The following RANBP2 variants were observed in gnomAD, a reference collection of about 807,000 sequenced individuals.
RANBP2 encodes the protein RAN binding protein 2.
RANBP2 carries 57 observed loss-of-function variants against 303.6 expected under a neutral mutation model. The observed-to-expected ratio is 0.19, with a 90% CI of 0.15 to 0.23. The LOEUF (loss-of-function observed/expected upper bound fraction) is 0.23. Ranked by LOEUF, RANBP2 falls within the 10% of genes least tolerant of loss-of-function variation. The probability of loss-of-function intolerance (pLI) is 1.00; values close to 1 mark genes in which losing one functional copy is unlikely to be tolerated. For synonymous variants in RANBP2, 1,167 were observed against 1,301.5 expected (o/e 0.90, Z 2.23); for missense variants, 3,138 against 3,780.8 (o/e 0.83, Z 4.46).
At chr2:109,324,425 C>T in the RANBP2 span, among the ~76,000 whole-genome samples, 1 of 152,318 alleles carries the variant, frequency 6.6e-6, no homozygotes, top group East Asian at 1.9e-4. Context: ...TATGACATTC[C>T]AGTTTCTCCA....
At chr2:109,625,229 A>G in the RANBP2 span, among the ~76,000 whole-genome samples, 2 of 152,120 alleles carry the variant, frequency 1.3e-5, no homozygotes, top group Non-Finnish European at 2.9e-5. Context: ...GATCTCAAAC[A>G]TATGTGCATA....
the RANBP2 span, among the ~76,000 whole-genome samples, chr2:109,098,821 T>C: frequency 6.6e-6 from 1 of 152,222 alleles, no homozygotes; most frequent in Admixed American, 6.5e-5. Context: ...CTGTCTGTCC[T>C]GGGAAGTGAC....
the RANBP2 span, chr2:108,897,198 G>T: frequency 6.2e-7 from 1 of 1,613,492 alleles, no homozygotes; most frequent in Non-Finnish European, 8.5e-7. Context: ...TCTTCTCGAG[G>T]CAATCAAATG....
the RANBP2 span, among the ~76,000 whole-genome samples, chr2:109,413,577 G>A: frequency 2.6e-5 from 4 of 152,126 alleles, no homozygotes; most frequent in African/African-American, 9.7e-5. Context: ...GCTCTAGAAT[G>A]GAGAACAGCT....
chr2:109,485,929 TG>T, the RANBP2 span, among the ~76,000 whole-genome samples: 1 of 152,370 alleles, frequency 6.6e-6, no homozygotes, highest in Admixed American at 6.5e-5. Flanking sequence ...TACCAGCACC[TG>T]GCTTCTCACC....
At chr2:108,852,170 A>G in the RANBP2 span, among the ~76,000 whole-genome samples, 3 of 152,232 alleles carry the variant, frequency 2.0e-5, no homozygotes, top group Admixed American at 1.3e-4. Context: ...TAATTTTACA[A>G]ATGAGGAAAT....
the RANBP2 span, among the ~76,000 whole-genome samples, chr2:108,962,995 G>A: frequency 1.4e-4 from 22 of 152,164 alleles, no homozygotes; most frequent in Non-Finnish European, 3.1e-4. Flanking sequence ...TCTTACCCTT[G>A]CCAGGGACAT....
chr2:109,227,695 T>C, the RANBP2 span, among the ~76,000 whole-genome samples: 4 of 152,196 alleles, frequency 2.6e-5, no homozygotes, highest in African/African-American at 9.7e-5. Flanking sequence ...TCCCTGCAGG[T>C]CACAGGATCC....
chr2:109,170,302 CTCTT>C, the RANBP2 span, among the ~76,000 whole-genome samples: 1 of 126,394 alleles, frequency 7.9e-6, no homozygotes, highest in South Asian at 2.6e-4. Context: ...CTCTTCTCTT[CTCTT>C]CTCTTCTCTC....
chr2:109,548,775 C>CA, the RANBP2 span, among the ~76,000 whole-genome samples: 694 of 63,560 alleles, frequency 0.011, 122 homozygotes, highest in African/African-American at 0.018. Flanking sequence ...GGCTCCATCT[C>CA]AAAAAAAAAA....
At chr2:109,303,827 G>C in the RANBP2 span, among the ~76,000 whole-genome samples, 2 of 152,180 alleles carry the variant, frequency 1.3e-5, no homozygotes, top group Non-Finnish European at 2.9e-5. Flanking sequence ...TCAAGACCGT[G>C]AACAAGTTCA....
the RANBP2 span, among the ~76,000 whole-genome samples, chr2:109,231,811 A>G: frequency 6.6e-6 from 1 of 152,140 alleles, no homozygotes; most frequent in South Asian, 2.1e-4. Flanking sequence ...ATTTTTAGTA[A>G]TGTAGAATTT....
the RANBP2 span, chr2:108,912,648 A>G: frequency 1.3e-6 from 2 of 1,547,880 alleles, no homozygotes; most frequent in Admixed American, 3.8e-5. Context: ...ACCTAACTCC[A>G]GGTGATCGAT....
the RANBP2 span, among the ~76,000 whole-genome samples, chr2:109,274,836 T>TA: frequency 6.6e-6 from 1 of 151,946 alleles, no homozygotes; most frequent in African/African-American, 2.4e-5. Flanking sequence ...TATACTGTAA[T>TA]ATTTGTAGAT....
chr2:109,593,126 A>C, the RANBP2 span: 1 of 1,583,712 alleles, frequency 6.3e-7, no homozygotes, highest in Non-Finnish European at 8.6e-7. Flanking sequence ...AGAGCTAAAA[A>C]AGGAATACAA....
chr2:109,025,671 G>A, the RANBP2 span, among the ~76,000 whole-genome samples: 5 of 151,950 alleles, frequency 3.3e-5, no homozygotes, highest in Admixed American at 6.6e-5. Context: ...GGTGGTGGGC[G>A]CCTGTAGTCC....
chr2:109,067,982 T>C, the RANBP2 span, among the ~76,000 whole-genome samples: 1 of 152,222 alleles, frequency 6.6e-6, no homozygotes, highest in African/African-American at 2.4e-5. Context: ...ACTTTGCTCT[T>C]TGCTGTTCCT....
rs1396959311 is a variant in RANBP2 at position 108,736,221 on chromosome 2, G to A, written c.754G>A (p.Val252Met). 4.3e-6 allele frequency: 7 copies of A among 1,611,832 alleles called. No homozygotes were observed. The African/African-American group carries it at 6.7e-5, about 15-fold the overall frequency. ...GCTTCTTACGCTTTCCACTAGAGAT[G>A]TGCAGGAAAGTAGAGAATTACTGCA... ...LMLLTLSTRD[V>M]QESRELLQSF... Residue 252 changes from valine (V) to methionine (M), a missense_variant, in exon 6 of 29, where the codon GTG (valine) becomes ATG (methionine). Coordinates refer to ENST00000283195, the MANE Select transcript of RANBP2 (RefSeq NM_006267.5).
chr2:109,198,794 T>C, the RANBP2 span, among the ~76,000 whole-genome samples: 3 of 152,224 alleles, frequency 2.0e-5, no homozygotes, highest in African/African-American at 7.2e-5. Context: ...AAGTACAGCC[T>C]TTGACATACC....
Sources: gnomAD v4.1 joint callset for allele counts (sites outside exome capture counted in the v4.1 genomes callset) on GRCh38, gnomAD v4.1.1 for gene constraint, MANE v1.5 for transcripts, NCBI Gene and HGNC (gene_info 2026-07-23, HGNC 2026-07-21) for gene names.